Variants in ERBB4 observed in about 807,000 individuals in gnomAD.
ERBB4 encodes receptor tyrosine-protein kinase erbB-4.
Under a neutral mutation model 158.0 loss-of-function variants are expected in ERBB4, and 42 were observed. The observed-to-expected ratio is 0.27, with a 90% CI of 0.21 to 0.34. The LOEUF (loss-of-function observed/expected upper bound fraction) is 0.34. Among genes scored for constraint, ERBB4 ranks in the 10% least tolerant of loss-of-function variants. ERBB4 has a pLI of 1.00. For missense variants in ERBB4, 1,333 were observed against 1,624.1 expected, an observed-to-expected ratio of 0.82 and a Z score of 3.08; for synonymous variants, 583 against 558.7, an observed-to-expected ratio of 1.04 and a Z score of -0.61.
chr2:211,695,344 T>G (rs2072973651), intron 12 of ERBB4, among the ~76,000 whole-genome samples: 4 of 152,120 alleles, frequency 2.6e-5, no homozygotes, highest in African/African-American at 9.7e-5. Flanking sequence ...TTCAGAAACA[T>G]AAAAACCAGA....
At chr2:212,127,387 T>C (rs947268560) in intron 1 of ERBB4, among the ~76,000 whole-genome samples, 2 of 152,140 alleles carry the variant, frequency 1.3e-5, no homozygotes, top group Non-Finnish European at 2.9e-5. Context: ...GGTCAGGAGA[T>C]CGAGACCATC....
At chr2:212,435,227 T>C (rs1457168120) in intron 1 of ERBB4, among the ~76,000 whole-genome samples, 1 of 151,966 alleles carries the variant, frequency 6.6e-6, no homozygotes, top group East Asian at 1.9e-4. Flanking sequence ...TCTCCTACCA[T>C]ACTACCTAAT....
intron 1 of ERBB4, among the ~76,000 whole-genome samples, chr2:212,428,663 T>C (rs1421393653): frequency 1.3e-5 from 2 of 152,174 alleles, no homozygotes; most frequent in Non-Finnish European, 2.9e-5. Context: ...ATAGATTTCA[T>C]GTTGTGTTCT....
intron 12 of ERBB4, among the ~76,000 whole-genome samples, chr2:211,688,618 A>G (rs911783492): frequency 2.0e-5 from 3 of 152,198 alleles, no homozygotes; most frequent in African/African-American, 7.2e-5. Context: ...CTTTGTCAGA[A>G]GTGAACATCT....
At chr2:211,424,688 T>A (rs1305912023) in intron 22 of ERBB4, among the ~76,000 whole-genome samples, 2 of 152,098 alleles carry the variant, frequency 1.3e-5, no homozygotes, top group East Asian at 3.8e-4. Context: ...ATAAATATGC[T>A]TTTGCCAGTA....
chr2:212,350,952 A>G (rs936476653), intron 1 of ERBB4, among the ~76,000 whole-genome samples: 3 of 152,152 alleles, frequency 2.0e-5, no homozygotes, highest in Non-Finnish European at 4.4e-5. Flanking sequence ...ACCTGCACAC[A>G]TATCTCCATG....
chr2:212,062,613 G>A (rs1286710667), intron 2 of ERBB4, among the ~76,000 whole-genome samples: 1 of 151,822 alleles, frequency 6.6e-6, no homozygotes, highest in Non-Finnish European at 1.5e-5. Context: ...CACCATGTTG[G>A]CCAGGATGGT....
intron 1 of ERBB4, among the ~76,000 whole-genome samples, chr2:212,325,189 G>A (rs897563481): frequency 4.6e-5 from 7 of 150,696 alleles, no homozygotes; most frequent in African/African-American, 1.4e-4. Flanking sequence ...ACTTTCTCCT[G>A]TTTAATCTCT....
Position 212,502,582 on chromosome 2 carries a change from A to G in ERBB4, c.82+35867T>C, listed in dbSNP as rs1690954578. ...AGAACCTCCCCTTGTTAAATTTCCT[A>G]TAGCAGAGACTGCTGGCTGTTAACC... On this transcript the variant is annotated intron_variant, in intron 1 of 27. Coordinates refer to ENST00000342788, the MANE Select transcript of ERBB4 (RefSeq NM_005235.3). Among the ~76,000 whole-genome samples, 8 of 152,178 alleles carry G rather than the reference A, an allele frequency of 5.3e-5. No homozygotes were observed. The South Asian group carries it at 1.4e-3, about 28-fold the overall frequency.
chr2:211,415,896 A>G (rs549172538), intron 25 of ERBB4, among the ~76,000 whole-genome samples: 1 of 152,300 alleles, frequency 6.6e-6, no homozygotes, highest in East Asian at 1.9e-4. Flanking sequence ...AATGCAAATA[A>G]ATCTATTTAA....
intron 3 of ERBB4, among the ~76,000 whole-genome samples, chr2:211,853,553 T>C (rs536063026): frequency 1.3e-5 from 2 of 152,120 alleles, no homozygotes; most frequent in East Asian, 3.9e-4. Flanking sequence ...TTAGCCTCTT[T>C]CCTTTCAAAA....
intron 6 of ERBB4, among the ~76,000 whole-genome samples, chr2:211,724,363 A>G (rs2074199359): frequency 6.6e-6 from 1 of 151,348 alleles, no homozygotes. Context: ...TTTTTTTTTA[A>G]AAAAAGCTCA....
At position 211,681,755 on chromosome 2, in the gene ERBB4, T is replaced by G. The variant is rs147197566; in HGVS notation, c.1490-2571A>C. ...GAGAGTCTTTTATATATTCTGCAACTATTTTCTCCCAATTTTAGCCATGTC... is the reference window on the plus strand; with the variant it reads ...GAGAGTCTTTTATATATTCTGCAACGATTTTCTCCCAATTTTAGCCATGTC... On this transcript the variant is annotated intron_variant, in intron 12 of 27. Transcript: ENST00000342788. Among the ~76,000 whole-genome samples, 286 of 152,310 alleles carry G rather than the reference T, an allele frequency of 1.9e-3. 1 individual carries two copies. The highest frequency in any genetic ancestry group is 6.4e-3 in the African/African-American group (268 of 41,584).
intron 1 of ERBB4, among the ~76,000 whole-genome samples, chr2:212,359,848 A>T (rs547964069): frequency 3.3e-5 from 5 of 151,744 alleles, no homozygotes; most frequent in Middle Eastern, 6.8e-3. Context: ...AGAATGTTCT[A>T]CTTTACATTT....
At chr2:212,272,425 A>G (rs931817) in intron 1 of ERBB4, among the ~76,000 whole-genome samples, 7,857 of 151,838 alleles carry the variant, frequency 0.052, 263 homozygotes, top group African/African-American at 0.092. Context: ...TGAGTAGGTC[A>G]TGGCCGTTGA....
At chr2:212,276,781 T>G (rs553264687) in intron 1 of ERBB4, among the ~76,000 whole-genome samples, 90 of 151,916 alleles carry the variant, frequency 5.9e-4, no homozygotes, top group Admixed American at 1.6e-3. Context: ...TTCAGGCACT[T>G]TAGCCCTAAA....
At chr2:211,402,056 A>T (rs2063054752) in intron 25 of ERBB4, among the ~76,000 whole-genome samples, 1 of 151,962 alleles carries the variant, frequency 6.6e-6, no homozygotes, top group African/African-American at 2.4e-5. Context: ...TCTTATGAAC[A>T]TATTCACAAA....
intron 1 of ERBB4, among the ~76,000 whole-genome samples, chr2:212,132,675 C>A (rs1223996302): frequency 6.6e-6 from 1 of 152,058 alleles, no homozygotes; most frequent in Non-Finnish European, 1.5e-5. Flanking sequence ...ACACCACTAG[C>A]TTTTTTGGGT....
chr2:211,910,449 T>C (rs560343846), intron 3 of ERBB4, among the ~76,000 whole-genome samples: 91 of 150,250 alleles, frequency 6.1e-4, no homozygotes, highest in Non-Finnish European at 9.6e-4. Flanking sequence ...CTGGAGGCCA[T>C]TATCCTTAGC....
Sources: gnomAD v4.1 joint callset for allele counts (sites outside exome capture counted in the v4.1 genomes callset) on GRCh38, gnomAD v4.1.1 for gene constraint, MANE v1.5 for transcripts, NCBI Gene and HGNC (gene_info 2026-07-23, HGNC 2026-07-21) for gene names.